The following USP25 variants were observed in gnomAD, a reference collection of about 807,000 sequenced individuals.
USP25 encodes ubiquitin specific peptidase 25, also known as ubiquitin carboxyl-terminal hydrolase 25.
Under a neutral mutation model 158.5 loss-of-function variants are expected in USP25, and 85 were observed. The observed-to-expected ratio is 0.54, with a 90% CI of 0.45 to 0.64. The LOEUF is 0.64. USP25 is among the 30% of genes least tolerant of loss of function. The pLI, the probability that USP25 is intolerant of heterozygous loss-of-function variation, is 0.00. For synonymous variants in USP25, 464 were observed against 460.4 expected (o/e 1.01, Z -0.10); for missense variants, 1,242 against 1,327.3 (o/e 0.94, Z 1.00).
chr21:15,766,858 C>T lies in USP25; in HGVS notation c.268+717C>T, dbSNP rs2034068248. On this transcript the variant is annotated intron_variant, in intron 3 of 25. Coordinates refer to ENST00000400183, the MANE Select transcript of USP25 (RefSeq NM_001283041.3). This position sits in a 1 kb window ranked among gnomAD's most constrained non-coding sequence, Gnocchi z 4.0. ...TGGATTTGCAAAGTTTGATTATTAA[C>T]ATATATTTGGAGAGAATTTCTTATT... Among the ~76,000 whole-genome samples, 1 of 151,950 alleles carries T rather than the reference C, an allele frequency of 6.6e-6. No individual in the cohort carries two copies. The highest frequency in any genetic ancestry group is 1.5e-5 in the Non-Finnish European group (1 of 67,960).
chr21:15,785,260 A>T (rs745543022), intron 4 of USP25, among the ~76,000 whole-genome samples: 5 of 152,226 alleles, frequency 3.3e-5, no homozygotes, highest in Non-Finnish European at 7.3e-5. Flanking sequence ...AGCAAATATT[A>T]TTAGATTTAA....
At chr21:15,873,815 C>G (rs7277680) in intron 23 of USP25, among the ~76,000 whole-genome samples, 12,135 of 152,076 alleles carry the variant, frequency 0.08, 1,595 homozygotes, top group African/African-American at 0.27. Flanking sequence ...TTTATGTTTG[C>G]AGGCTTTTTG....
chr21:15,842,685 G>A (rs940915458), intron 18 of USP25, 145 bp downstream of exon 18: 31 of 914,138 alleles, frequency 3.4e-5, no homozygotes, highest in Non-Finnish European at 4.6e-5. Context: ...CCATGGGCAA[G>A]TCATCTCATG....
At chr21:15,876,208 CTT>C (rs1491501805) in intron 24 of USP25, 1 of 152,130 alleles carries the variant, frequency 6.6e-6, no homozygotes. Flanking sequence ...TAACATTAAA[CTT>C]GTCATTAAAT....
chr21:15,751,634 T>A (rs2033020847), intron 1 of USP25, among the ~76,000 whole-genome samples: 1 of 152,220 alleles, frequency 6.6e-6, no homozygotes, highest in African/African-American at 2.4e-5. Flanking sequence ...AGGATATGAT[T>A]TGATTCATAA....
At chr21:15,847,844 T>C in intron 19 of USP25, 68 bp downstream of exon 19, 1 of 1,030,554 alleles carries the variant, frequency 9.7e-7, no homozygotes, top group Non-Finnish European at 1.5e-6. Context: ...ACTTTGGGCA[T>C]GCCTGCACCC....
At chr21:15,760,380 T>C (rs2033655206) in intron 1 of USP25, among the ~76,000 whole-genome samples, 1 of 152,190 alleles carries the variant, frequency 6.6e-6, no homozygotes, top group East Asian at 1.9e-4. Context: ...CTTTAAAGAC[T>C]TGATGTTGGG....
chr21:15,782,974 G>A lies in USP25; in HGVS notation c.392+4947G>A, dbSNP rs78615988. ...ATAATGACATTAAAGAAACTTTTGAGTTGTAAGAGAATACAACAATTTAAC... is the reference window on the plus strand; with the variant it reads ...ATAATGACATTAAAGAAACTTTTGAATTGTAAGAGAATACAACAATTTAAC... On this transcript the variant is annotated intron_variant, in intron 4 of 25. Coordinates refer to ENST00000400183, the MANE Select transcript of USP25 (RefSeq NM_001283041.3). 2.7e-3 allele frequency among the ~76,000 whole-genome samples: 411 copies of A among 152,202 alleles called. 7 individuals are homozygous for A. In the East Asian group the frequency reaches 0.045, roughly 17 times the overall value.
intron 17 of USP25, among the ~76,000 whole-genome samples, chr21:15,841,600 A>G (rs2038338014): frequency 6.6e-6 from 1 of 152,160 alleles, no homozygotes; most frequent in African/African-American, 2.4e-5. Context: ...TTTAGGTCAC[A>G]TCCAAATTGC....
intron 7 of USP25, 91 bp from the exon 8 acceptor site, chr21:15,808,718 T>C: frequency 2.3e-6 from 2 of 853,132 alleles, no homozygotes; most frequent in African/African-American, 3.4e-5. Context: ...TAATTATATA[T>C]TTCAACAACT....
At chr21:15,824,894 C>T (rs1406331436) in intron 11 of USP25, 72 bp from the exon 12 acceptor site, 24 of 1,262,410 alleles carry the variant, frequency 1.9e-5, no homozygotes, top group African/African-American at 3.0e-5. Flanking sequence ...AGGCCGGGTA[C>T]GCTGGCATCT....
chr21:15,878,025 TG>T, intron 25 of USP25, 34 bp downstream of exon 25: 1 of 1,530,580 alleles, frequency 6.5e-7, no homozygotes, highest in Non-Finnish European at 8.9e-7. Flanking sequence ...GCACCTGAGA[TG>T]TCCGGATTAA....
At chr21:15,838,696 G>C (rs1049113530) in intron 17 of USP25, among the ~76,000 whole-genome samples, 1 of 152,074 alleles carries the variant, frequency 6.6e-6, no homozygotes, top group Admixed American at 6.5e-5. Context: ...ATCTTCTTCA[G>C]TGTGAACGTA....
At chr21:15,731,910 C>T (rs1308037360) in intron 1 of USP25, among the ~76,000 whole-genome samples, 2 of 152,154 alleles carry the variant, frequency 1.3e-5, no homozygotes, top group Non-Finnish European at 2.9e-5. Flanking sequence ...TTATAATTGT[C>T]TTCAGTGTTG....
chr21:15,829,023 T>G (rs1484866573), intron 14 of USP25, among the ~76,000 whole-genome samples: 2 of 152,222 alleles, frequency 1.3e-5, no homozygotes, highest in Non-Finnish European at 2.9e-5. Flanking sequence ...CATATTGATG[T>G]TAGCAGTTAG....
intron 5 of USP25, among the ~76,000 whole-genome samples, chr21:15,799,060 G>A (rs192556594): frequency 9.9e-5 from 15 of 151,126 alleles, no homozygotes; most frequent in African/African-American, 3.6e-4. Flanking sequence ...AAAATACTCT[G>A]ATGTATTTAC....
intron 17 of USP25, among the ~76,000 whole-genome samples, chr21:15,841,743 T>C (rs1199413312): frequency 6.6e-6 from 1 of 152,172 alleles, no homozygotes; most frequent in Non-Finnish European, 1.5e-5. Flanking sequence ...CTGGCTGCTT[T>C]GTCAGAGACT....
rs1430910054 is a variant in USP25, at chr21:15,774,547, A to G, written c.269-3357A>G. Among the ~76,000 whole-genome samples, 3 of 151,966 alleles carry G rather than the reference A, an allele frequency of 2.0e-5. No homozygotes were observed. The East Asian group carries it at 5.8e-4, about 29-fold the overall frequency. On this transcript the variant is annotated intron_variant, in intron 3 of 25. Transcript: ENST00000400183. ...TGAAGTCTGAATAATTCTAGTTTGTAGTTTGTTAGTTTTTCTTTTAAATAA... is the reference window on the plus strand; with the variant it reads ...TGAAGTCTGAATAATTCTAGTTTGTGGTTTGTTAGTTTTTCTTTTAAATAA...
intron 4 of USP25, among the ~76,000 whole-genome samples, chr21:15,784,313 C>T (rs1426092028): frequency 6.6e-6 from 1 of 152,176 alleles, no homozygotes; most frequent in Non-Finnish European, 1.5e-5. Flanking sequence ...TGGCTCACGC[C>T]TGTAATGCCA....
Sources: gnomAD v4.1 joint callset for allele counts (sites outside exome capture counted in the v4.1 genomes callset) on GRCh38, gnomAD v4.1.1 for gene constraint, Gnocchi (gnomAD v3.1) non-coding constraint, MANE v1.5 for transcripts, NCBI Gene and HGNC (gene_info 2026-07-23, HGNC 2026-07-21) for gene names.